Variants in RFTN2 observed in about 807,000 individuals in gnomAD.
The protein encoded by RFTN2 is raftlin family member 2, also known as raftlin-2.
In RFTN2, 34 loss-of-function variants were observed where a neutral mutation model predicts 52.7. That is an observed-to-expected ratio of 0.64 (90% CI 0.49 to 0.86). The LOEUF is 0.86. Among genes scored for constraint, RFTN2 ranks in the 40% least tolerant of loss-of-function variants. RFTN2 has a pLI of 0.00. For synonymous variants in RFTN2, 203 were observed against 217.7 expected, an observed-to-expected ratio of 0.93 and a Z score of 0.59; for missense variants, 536 against 600.1, an observed-to-expected ratio of 0.89 and a Z score of 1.12.
At chr2:197,601,135 T>A (rs1268067379) in intron 7 of RFTN2, among the ~76,000 whole-genome samples, 1 of 152,174 alleles carries the variant, frequency 6.6e-6, no homozygotes, top group African/African-American at 2.4e-5. Flanking sequence ...AGATAGTAGA[T>A]GTAAAGTTCC....
At chr2:197,665,099 G>T (rs549882682) in intron 1 of RFTN2, among the ~76,000 whole-genome samples, 1 of 152,066 alleles carries the variant, frequency 6.6e-6, no homozygotes, top group Admixed American at 6.5e-5. Context: ...TCAGCATCAC[G>T]CAATATCCCG....
At chr2:197,664,064 G>A (rs2089016823) in intron 1 of RFTN2, among the ~76,000 whole-genome samples, 1 of 152,042 alleles carries the variant, frequency 6.6e-6, no homozygotes, top group African/African-American at 2.4e-5. Context: ...TAGTCATTCA[G>A]GAGTATGCTG....
chr2:197,669,749 C>T (rs1187195473), intron 1 of RFTN2, among the ~76,000 whole-genome samples: 1 of 152,174 alleles, frequency 6.6e-6, no homozygotes, highest in South Asian at 2.1e-4. Flanking sequence ...TGGCCCTGTT[C>T]GTGACAGGCC....
At chr2:197,603,634 G>A (rs1431962197) in intron 7 of RFTN2, among the ~76,000 whole-genome samples, 2 of 152,116 alleles carry the variant, frequency 1.3e-5, no homozygotes, top group Non-Finnish European at 2.9e-5. Flanking sequence ...TAGAACTTTA[G>A]GCCGGGTGTG....
intron 8 of RFTN2, among the ~76,000 whole-genome samples, chr2:197,579,110 G>C (rs1439561996): frequency 1.3e-5 from 2 of 152,122 alleles, no homozygotes; most frequent in Non-Finnish European, 2.9e-5. Flanking sequence ...TCACAGACTC[G>C]GGAAGACAGT....
intron 2 of RFTN2, 113 bp from the exon 3 acceptor site, chr2:197,644,385 T>A: frequency 1.7e-6 from 1 of 591,322 alleles, no homozygotes; most frequent in Non-Finnish European, 3.0e-6. Flanking sequence ...AATCATTTTT[T>A]ATTATTTCAA....
chr2:197,655,995 C>G (rs1027275407), intron 1 of RFTN2, among the ~76,000 whole-genome samples: 12 of 152,052 alleles, frequency 7.9e-5, no homozygotes, highest in African/African-American at 2.7e-4. Flanking sequence ...TATTAAAAGA[C>G]CCACTGAAAG....
chr2:197,674,496 A>G (rs2089190598), intron 1 of RFTN2, among the ~76,000 whole-genome samples: 1 of 151,978 alleles, frequency 6.6e-6, no homozygotes, highest in South Asian at 2.1e-4. Context: ...TATAATAAGA[A>G]TTTTACTAAT....
At chr2:197,589,935 C>T (rs1260346496) in intron 8 of RFTN2, among the ~76,000 whole-genome samples, 1 of 151,980 alleles carries the variant, frequency 6.6e-6, no homozygotes, top group Non-Finnish European at 1.5e-5. Context: ...GAGACAAGGT[C>T]TCACTCTGTT....
intron 8 of RFTN2, among the ~76,000 whole-genome samples, chr2:197,593,555 A>AT (rs11423219): frequency 0.16 from 23,830 of 151,978 alleles, 2,101 homozygotes; most frequent in Middle Eastern, 0.29. Flanking sequence ...AATTCTGATG[A>AT]TTTTTTCCTA....
intron 1 of RFTN2, among the ~76,000 whole-genome samples, chr2:197,663,840 T>TTTGGG (rs753508910): frequency 2.0e-4 from 31 of 152,062 alleles, no homozygotes; most frequent in Non-Finnish European, 4.3e-4. Flanking sequence ...TTTTACTAAT[T>TTTGGG]TTGGGTTTGG....
intron 1 of RFTN2, among the ~76,000 whole-genome samples, chr2:197,657,792 C>A (rs1383354843): frequency 1.3e-5 from 2 of 152,074 alleles, no homozygotes; most frequent in Non-Finnish European, 2.9e-5. Flanking sequence ...TGTAAACATG[C>A]CATCATCATT....
intron 1 of RFTN2, among the ~76,000 whole-genome samples, chr2:197,650,386 G>A (rs916112244): frequency 5.3e-5 from 8 of 152,016 alleles, no homozygotes; most frequent in African/African-American, 1.9e-4. Flanking sequence ...AAATCATATG[G>A]ACACAAAAGT....
intron 5 of RFTN2, among the ~76,000 whole-genome samples, chr2:197,629,165 A>G (rs528168987): frequency 1.1e-4 from 17 of 152,366 alleles, no homozygotes; most frequent in African/African-American, 4.1e-4. Context: ...TTGTGGCACT[A>G]TTCATAATAG....
rs754623132 is a variant in RFTN2 at position 197,633,809 on chromosome 2, G to C, written c.627C>G (p.Ser209Arg). 1.2e-6 allele frequency: 2 copies of C among 1,613,418 alleles called. No homozygotes were observed. The highest frequency in any genetic ancestry group is 1.1e-5 in the South Asian group (1 of 91,062). Residue 209 changes from serine (S) to arginine (R), a missense_variant, in exon 4 of 9, where the codon AGC becomes AGG. By Grantham distance (110) the Ser-to-Arg change is moderately radical. Coordinates refer to ENST00000295049, the MANE Select transcript of RFTN2 (RefSeq NM_144629.3). The part of the protein sequence containing the change: ...EGTLSGQSSE[S>R]GIEEELHHES... ...CATGATGAAGTTCTTCCTCAATTCC[G>C]CTTTCAGATGACTGCCCACTTAACG...
intron 7 of RFTN2, among the ~76,000 whole-genome samples, chr2:197,610,777 G>T (rs1267342287): frequency 6.6e-6 from 1 of 152,154 alleles, no homozygotes; most frequent in Non-Finnish European, 1.5e-5. Context: ...ATTATTTTGA[G>T]ATATGTTCTA....
intron 7 of RFTN2, among the ~76,000 whole-genome samples, chr2:197,608,269 C>G (rs2087993987): frequency 6.6e-6 from 1 of 151,546 alleles, no homozygotes; most frequent in Admixed American, 6.6e-5. Flanking sequence ...AGTGAGAAGA[C>G]CAATTTCTCT....
intron 8 of RFTN2, among the ~76,000 whole-genome samples, chr2:197,583,423 T>C (rs2087542718): frequency 6.6e-6 from 1 of 152,190 alleles, no homozygotes; most frequent in South Asian, 2.1e-4. Flanking sequence ...AGTTTGGCCT[T>C]TCCACCTTTA....
At chr2:197,653,480 C>T (rs192819501) in intron 1 of RFTN2, among the ~76,000 whole-genome samples, 2 of 151,944 alleles carry the variant, frequency 1.3e-5, no homozygotes, top group African/African-American at 4.8e-5. Flanking sequence ...GGAATACTCC[C>T]CCAAACTGCA....
Sources: gnomAD v4.1 joint callset for allele counts (sites outside exome capture counted in the v4.1 genomes callset) on GRCh38, gnomAD v4.1.1 for gene constraint, MANE v1.5 for transcripts, NCBI Gene and HGNC (gene_info 2026-07-23, HGNC 2026-07-21) for gene names.